CDC42: variants seen among roughly 807,000 people sequenced by gnomAD.
CDC42 encodes the protein cell division cycle 42.
In CDC42, 1 loss-of-function variant was observed where a neutral mutation model predicts 20.8. The observed-to-expected ratio is 0.05, with a 90% CI of 0.02 to 0.23. The LOEUF (loss-of-function observed/expected upper bound fraction) is 0.23. CDC42 is among the 10% of genes least tolerant of loss of function. The probability of loss-of-function intolerance (pLI) is 1.00; values close to 1 mark genes in which losing one functional copy is unlikely to be tolerated. For synonymous variants in CDC42, 72 were observed against 84.8 expected, an observed-to-expected ratio of 0.85 and a Z score of 0.83; for missense variants, 49 against 227.9, an observed-to-expected ratio of 0.21 and a Z score of 5.05.
rs900720548 is a variant in CDC42 at position 22,095,013 on chromosome 1, T to C, written c.*3496T>C. On this transcript the variant is annotated 3_prime_UTR_variant, in exon 6 of 6. Transcript: ENST00000656825. Reference sequence around the variant, plus strand: ...GCCCTGCTCAAGAAGGATTGAAACTTAGTCCTTGCTGGGTACAAATTTAGA... The same window carrying C: ...GCCCTGCTCAAGAAGGATTGAAACTCAGTCCTTGCTGGGTACAAATTTAGA... Among the ~76,000 whole-genome samples the C allele has an allele frequency of 1.3e-5, 2 of 152,318 alleles. No homozygotes were observed. Among genetic ancestry groups the C allele is most frequent in the African/African-American group, 4.8e-5 (2 of 41,546 alleles).
chr1:22,092,496 T>C lies in CDC42; in HGVS notation c.*979T>C, dbSNP rs910952155. ...AGAATGCAGCTGAAGACCTGTTATG[T>C]AGAGGAAATACGAGGGGTGGTGCTA... On this transcript the variant is annotated 3_prime_UTR_variant, in exon 6 of 6. Coordinates refer to ENST00000656825, the MANE Select transcript of CDC42 (RefSeq NM_001791.4). The C allele has an allele frequency of 6.6e-6, 1 of 151,280 alleles. No individual in the cohort carries two copies. The highest frequency in any genetic ancestry group is 2.4e-5 in the African/African-American group (1 of 40,914). The allele number at this position is 151,280 out of a possible 1,614,324, so 9.4% of individuals were successfully genotyped here.
At chr1:22,085,739 C>T (rs752193740) in intron 3 of CDC42, among the ~76,000 whole-genome samples, 10 of 152,212 alleles carry the variant, frequency 6.6e-5, no homozygotes, top group East Asian at 3.9e-4. Flanking sequence ...CTTATATACA[C>T]GCATTAACTA....
chr1:22,099,940 AGTAAGTG>A lies in CDC42; in HGVS notation c.*8424_*8430del, dbSNP rs1645779673. On this transcript the variant is annotated 3_prime_UTR_variant, in exon 6 of 6. Transcript: ENST00000656825. ...CTAGCTTGTCCAAGAATTCAGAGCT[AGTAAGTG>A]AGGGAACTGGGATTTGAATTTAAGC... Among the ~76,000 whole-genome samples, 3 of 134,462 alleles carry A rather than the reference AGTAAGTG, an allele frequency of 2.2e-5. No individual in the cohort carries two copies. The highest frequency in any genetic ancestry group is 3.2e-5 in the Non-Finnish European group (2 of 62,114). 88.2% of individuals were successfully genotyped at this position (134,462 alleles called of 152,430 possible). A position where few individuals can be genotyped will look rare whatever the true frequency, so the allele number is the denominator to read the frequency against.
intron 1 of CDC42, among the ~76,000 whole-genome samples, chr1:22,055,926 T>C: frequency 6.8e-6 from 1 of 146,636 alleles, no homozygotes; most frequent in South Asian, 2.4e-4. Context: ...GCTACAGGGC[T>C]TCCTTTGAAG....
chr1:22,077,141 A>C (rs1168135027), intron 1 of CDC42, among the ~76,000 whole-genome samples: 1 of 152,126 alleles, frequency 6.6e-6, no homozygotes, highest in Non-Finnish European at 1.5e-5. Flanking sequence ...GGGTGACGGG[A>C]GTAAAACCCT....
rs1390916645 is a variant in CDC42 at position 22,097,389 on chromosome 1, G to A, written c.*5872G>A. ...CCCAAGTAGCTGGGACTACAGGCGT[G>A]AGCCACCGTGCCTGGCTAATTTTTG... is the stretch of plus-strand genomic sequence containing the variant. On this transcript the variant is annotated 3_prime_UTR_variant, in exon 6 of 6. Transcript: ENST00000656825. Among the ~76,000 whole-genome samples the A allele has an allele frequency of 1.3e-5, 2 of 152,190 alleles. No homozygotes were observed. Among genetic ancestry groups the A allele is most frequent in the Admixed American group, 6.5e-5 (1 of 15,286 alleles).
intron 5 of CDC42, chr1:22,090,109 A>C: frequency 6.5e-7 from 1 of 1,541,132 alleles, no homozygotes; most frequent in Non-Finnish European, 8.8e-7. Context: ...ACAAAGGAAT[A>C]AAACCATCCT....
chr1:22,086,380 A>C (rs1177158497), intron 3 of CDC42, 59 bp from the exon 4 acceptor site: 5 of 1,137,688 alleles, frequency 4.4e-6, no homozygotes, highest in Non-Finnish European at 6.4e-6. Context: ...TGCTTTTAAC[A>C]CTTTGAGGAC....
At chr1:22,068,312 T>G (rs1403946440) in intron 1 of CDC42, 1 of 153,344 alleles carries the variant, frequency 6.5e-6, no homozygotes, top group Non-Finnish European at 1.5e-5. Context: ...AAGGCATCTC[T>G]GAGCCATCTC....
In CDC42 at chr1:22,091,750, A is replaced by AT. The variant is rs3036807; in HGVS notation, c.*242dup. The AT allele has an allele frequency of 1.7e-3, 190 of 114,824 alleles. No homozygotes were observed. Among genetic ancestry groups the AT allele is most frequent in the African/African-American group, 4.6e-3 (86 of 18,824 alleles). 7.1% of individuals were successfully genotyped at this position (114,824 alleles called of 1,614,324 possible). On this transcript the variant is annotated 3_prime_UTR_variant, in exon 6 of 6. Transcript: ENST00000656825. ...TATTGTCAGAAAAGTGATTAGTACTATTTTTTTTTGTTGTTTCAAAAAAAA... is the reference window on the plus strand; with the variant it reads ...TATTGTCAGAAAAGTGATTAGTACTATTTTTTTTTTGTTGTTTCAAAAAAAA...
At chr1:22,080,690 T>C (rs1156767151) in intron 2 of CDC42, among the ~76,000 whole-genome samples, 1 of 152,250 alleles carries the variant, frequency 6.6e-6, no homozygotes, top group Non-Finnish European at 1.5e-5. Flanking sequence ...AGAATTTGTG[T>C]TGGGTCTTTT....
intron 5 of CDC42, chr1:22,089,880 C>G: frequency 6.5e-7 from 1 of 1,530,794 alleles, no homozygotes; most frequent in Non-Finnish European, 8.9e-7. Context: ...TGCTGTTGTA[C>G]CTGCTAGTCT....
intron 1 of CDC42, among the ~76,000 whole-genome samples, chr1:22,073,018 T>G (rs1645509094): frequency 6.6e-6 from 1 of 152,148 alleles, no homozygotes; most frequent in African/African-American, 2.4e-5. Context: ...GAATGAACCA[T>G]GGGGCACGGG....
At chr1:22,087,279 AAC>A (rs1645670714) in intron 5 of CDC42, among the ~76,000 whole-genome samples, 1 of 152,124 alleles carries the variant, frequency 6.6e-6, no homozygotes, top group South Asian at 2.1e-4. Context: ...TGGGCAATTC[AAC>A]CAGGATAGGG....
chr1:22,081,595 A>T (rs1645608245), intron 2 of CDC42, 127 bp from the exon 3 acceptor site: 2 of 625,856 alleles, frequency 3.2e-6, no homozygotes, highest in East Asian at 5.4e-5. Context: ...TGGTTATATA[A>T]GGATGATGGA....
At position 22,095,422 on chromosome 1, in the gene CDC42, A is replaced by G. The variant is rs1165395691; in HGVS notation, c.*3905A>G. The stretch of plus-strand genomic sequence containing the variant: ...GTAGCCAGGACTACAGGCATGTGCC[A>G]CCATGCCTGGCTAATGTTTTGTATT... On this transcript the variant is annotated 3_prime_UTR_variant, in exon 6 of 6. Coordinates refer to ENST00000656825, the MANE Select transcript of CDC42 (RefSeq NM_001791.4). Among the ~76,000 whole-genome samples the G allele has an allele frequency of 6.6e-6, 1 of 152,078 alleles. No homozygotes were observed. Among genetic ancestry groups the G allele is most frequent in the Non-Finnish European group, 1.5e-5 (1 of 68,018 alleles).
chr1:22,091,402 C>G, intron 5 of CDC42, 26 bp from the exon 6 acceptor site: 1 of 1,451,828 alleles, frequency 6.9e-7, no homozygotes, highest in Non-Finnish European at 9.6e-7. Context: ...TCAGACCGCC[C>G]ATTTTTTCTT....
chr1:22,066,071 A>G (rs1645419991), intron 1 of CDC42, among the ~76,000 whole-genome samples: 1 of 152,002 alleles, frequency 6.6e-6, no homozygotes, highest in Non-Finnish European at 1.5e-5. Flanking sequence ...TCATATTACT[A>G]CTTTAGTCAA....
chr1:22,091,110 C>G (rs1557908784), intron 5 of CDC42, among the ~76,000 whole-genome samples: 2 of 152,220 alleles, frequency 1.3e-5, no homozygotes, highest in Admixed American at 1.3e-4. Context: ...TTCAGCAGCA[C>G]ATTACAAAAC....
Sources: allele counts gnomAD v4.1 joint callset (sites outside exome capture counted in the v4.1 genomes callset), GRCh38; gene constraint gnomAD v4.1.1; transcripts MANE v1.5; gene names NCBI Gene and HGNC (gene_info 2026-07-23, HGNC 2026-07-21).